PCDH15: variants seen among roughly 807,000 people sequenced by gnomAD.
The protein encoded by PCDH15 is protocadherin-15.
PCDH15 carries 129 observed loss-of-function variants against 178.5 expected under a neutral mutation model. The ratio of observed to expected loss-of-function variants is 0.72; its 90% CI spans 0.63 to 0.84. PCDH15 has a LOEUF of 0.84. Among genes scored for constraint, PCDH15 ranks in the 40% least tolerant of loss-of-function variants. PCDH15 has a pLI of 0.00. For missense variants in PCDH15, 2,230 were observed against 2,099.9 expected (o/e 1.06, Z -1.21); for synonymous variants, 800 against 732.0 (o/e 1.09, Z -1.50).
At chr10:54,230,921 C>A (rs113952409) in intron 9 of PCDH15, among the ~76,000 whole-genome samples, 1 of 152,194 alleles carries the variant, frequency 6.6e-6, no homozygotes, top group African/African-American at 2.4e-5. Context: ...CTAAAGTCAG[C>A]AGACTTTCTT....
intron 2 of PCDH15, among the ~76,000 whole-genome samples, chr10:54,958,898 A>T (rs574507484): frequency 6.6e-6 from 1 of 152,084 alleles, no homozygotes; most frequent in African/African-American, 2.4e-5. Flanking sequence ...AAACTGACTC[A>T]GAATAGTTCA....
chr10:54,616,702 A>T (rs2134340108), intron 2 of PCDH15, among the ~76,000 whole-genome samples: 1 of 152,178 alleles, frequency 6.6e-6, no homozygotes, highest in East Asian at 1.9e-4. Context: ...CGACTTTGAG[A>T]CCCAGTCAGA....
chr10:54,808,830 AG>A (rs1214479978), intron 3 of PCDH15, among the ~76,000 whole-genome samples: 1 of 152,148 alleles, frequency 6.6e-6, no homozygotes, highest in African/African-American at 2.4e-5. Context: ...TAATGGAAAC[AG>A]GTAGAAATAT....
intron 3 of PCDH15, among the ~76,000 whole-genome samples, chr10:54,818,596 T>C (rs1196466150): frequency 1.3e-5 from 2 of 152,006 alleles, no homozygotes; most frequent in South Asian, 4.1e-4. Flanking sequence ...ACTACTGCCA[T>C]GCTGTGAGGA....
At chr10:54,577,800 A>T (rs1019708321) in intron 2 of PCDH15, among the ~76,000 whole-genome samples, 1 of 151,836 alleles carries the variant, frequency 6.6e-6, no homozygotes, top group Non-Finnish European at 1.5e-5. Flanking sequence ...TAGGTGAAGG[A>T]GTTCTCTGGT....
At chr10:55,016,880 A>G (rs1256811781) in intron 2 of PCDH15, among the ~76,000 whole-genome samples, 1 of 152,088 alleles carries the variant, frequency 6.6e-6, no homozygotes, top group Non-Finnish European at 1.5e-5. Context: ...TTCTAATCAT[A>G]TATTTTTCTC....
chr10:54,423,615 T>C (rs1157104799), intron 3 of PCDH15, among the ~76,000 whole-genome samples: 1 of 151,788 alleles, frequency 6.6e-6, no homozygotes, highest in African/African-American at 2.4e-5. Flanking sequence ...CTCAATAAGG[T>C]CATACTTTGA....
intron 3 of PCDH15, among the ~76,000 whole-genome samples, chr10:54,470,475 G>C (rs1203520845): frequency 6.6e-6 from 1 of 152,084 alleles, no homozygotes; most frequent in Non-Finnish European, 1.5e-5. Flanking sequence ...CAAACTGGTG[G>C]GGACTGGGCT....
At chr10:54,255,169 C>A (rs182076304) in intron 8 of PCDH15, among the ~76,000 whole-genome samples, 1 of 152,216 alleles carries the variant, frequency 6.6e-6, no homozygotes, top group East Asian at 1.9e-4. Context: ...AAGATGTATA[C>A]AAACTATAAC....
intron 23 of PCDH15, among the ~76,000 whole-genome samples, chr10:53,955,535 G>A (rs188042894): frequency 2.6e-4 from 40 of 152,178 alleles, no homozygotes; most frequent in Admixed American, 2.4e-3. Flanking sequence ...TTTTTCCTAT[G>A]GAATTCAAAC....
chr10:55,272,710 G>T (rs1454388714), intron 1 of PCDH15, among the ~76,000 whole-genome samples: 1 of 151,986 alleles, frequency 6.6e-6, no homozygotes, highest in Non-Finnish European at 1.5e-5. Flanking sequence ...TTTAAAATAA[G>T]AATTCAGTCT....
rs545632726 is a variant in PCDH15, at chr10:55,222,419, C to G, written c.-155-55768G>C. Among the ~76,000 whole-genome samples the G allele has an allele frequency of 6.5e-4, 98 of 151,824 alleles. 1 individual carries two copies. The highest frequency in any genetic ancestry group is 1.2e-3 in the Non-Finnish European group (81 of 67,954). On this transcript the variant is annotated intron_variant, in intron 1 of 5. Coordinates refer to the PCDH15 transcript ENST00000458638. ...TGTTAGACTTGCATTTAATATATAT[C>G]TTTTGGAAAGGTGAGAGGAGAAACA...
intron 18 of PCDH15, among the ~76,000 whole-genome samples, chr10:54,045,529 T>C (rs907816727): frequency 6.6e-6 from 1 of 152,088 alleles, no homozygotes. Flanking sequence ...AGTGTGCTAT[T>C]GCTGCAAGAC....
intron 2 of PCDH15, among the ~76,000 whole-genome samples, chr10:55,523,102 T>C (rs1349009431): frequency 6.6e-6 from 1 of 151,634 alleles, no homozygotes; most frequent in East Asian, 1.9e-4. Context: ...AGTAATCTTT[T>C]TTGGGTTGAT....
At chr10:54,409,360 A>G (rs756859432) in intron 3 of PCDH15, among the ~76,000 whole-genome samples, 1 of 152,148 alleles carries the variant, frequency 6.6e-6, no homozygotes, top group African/African-American at 2.4e-5. Context: ...TATGTGAACT[A>G]TTTATGCCAC....
intron 26 of PCDH15, among the ~76,000 whole-genome samples, chr10:53,893,615 A>T (rs1360016266): frequency 1.3e-5 from 2 of 152,236 alleles, no homozygotes; most frequent in South Asian, 4.1e-4. Flanking sequence ...CTAGTCAGCC[A>T]TAAAAAGGAT....
intron 2 of PCDH15, among the ~76,000 whole-genome samples, chr10:55,354,717 T>A (rs941938213): frequency 6.6e-5 from 10 of 152,076 alleles, no homozygotes; most frequent in Non-Finnish European, 1.0e-4. Context: ...ACTAGAGAGC[T>A]TTTTGGTTGG....
intron 2 of PCDH15, among the ~76,000 whole-genome samples, chr10:54,897,730 C>G (rs1395844396): frequency 1.3e-5 from 2 of 152,018 alleles, no homozygotes; most frequent in Non-Finnish European, 2.9e-5. Context: ...TTTGTATTCA[C>G]AAAATGTTTT....
chr10:54,547,274 T>C (rs771507304), intron 2 of PCDH15, among the ~76,000 whole-genome samples: 1 of 152,176 alleles, frequency 6.6e-6, no homozygotes, highest in African/African-American at 2.4e-5. Context: ...CATAGCAAGC[T>C]GGCTTGCTAT....
Sources: gnomAD v4.1 joint callset for allele counts (sites outside exome capture counted in the v4.1 genomes callset) on GRCh38, gnomAD v4.1.1 for gene constraint, MANE v1.5 for transcripts, NCBI Gene and HGNC (gene_info 2026-07-23, HGNC 2026-07-21) for gene names.